SLCO1C1: variants seen among roughly 807,000 people sequenced by gnomAD.
SLCO1C1 encodes OAT-RP-5.
Under a neutral mutation model 76.4 loss-of-function variants are expected in SLCO1C1, and 70 were observed. That is an observed-to-expected ratio of 0.92 (90% CI 0.76 to 1.12). SLCO1C1 has a LOEUF of 1.12. SLCO1C1 is among the 50% of genes most tolerant of loss of function. The pLI is 0.00. For missense variants in SLCO1C1, 912 were observed against 823.8 expected (o/e 1.11, Z -1.31); for synonymous variants, 306 against 286.1 (o/e 1.07, Z -0.70).
chr12:20,737,513 C>A (rs577871275), intron 11 of SLCO1C1, among the ~76,000 whole-genome samples: 1 of 152,232 alleles, frequency 6.6e-6, no homozygotes, highest in South Asian at 2.1e-4. Flanking sequence ...ATTATGTAGT[C>A]TATTTCTCTC....
intron 1 of SLCO1C1, chr12:20,697,594 C>T (rs1946326305): frequency 6.6e-6 from 1 of 151,942 alleles, no homozygotes; most frequent in Non-Finnish European, 1.5e-5. Flanking sequence ...ATTTCTTAAA[C>T]TTTGTTTTTT....
chr12:20,720,645 G>C (rs942822768), intron 7 of SLCO1C1, among the ~76,000 whole-genome samples: 3 of 152,214 alleles, frequency 2.0e-5, no homozygotes, highest in Non-Finnish European at 4.4e-5. Context: ...GAAACAGCAA[G>C]ACAACTATAA....
At chr12:20,711,333 T>C (rs1947087377) in intron 4 of SLCO1C1, 53 bp from the exon 5 acceptor site, 1 of 1,581,638 alleles carries the variant, frequency 6.3e-7, no homozygotes, top group African/African-American at 1.4e-5. Flanking sequence ...CACATAATAT[T>C]CTTAGTATGA....
intron 9 of SLCO1C1, among the ~76,000 whole-genome samples, chr12:20,727,882 G>A (rs936552985): frequency 6.6e-6 from 1 of 152,114 alleles, no homozygotes; most frequent in African/African-American, 2.4e-5. Flanking sequence ...TTATTTTCTT[G>A]TTGTTTCGTT....
chr12:20,703,208 C>A (rs1168102818), intron 3 of SLCO1C1, among the ~76,000 whole-genome samples: 1 of 151,818 alleles, frequency 6.6e-6, no homozygotes, highest in East Asian at 1.9e-4. Flanking sequence ...TAATTTACTT[C>A]TTTTGCCTCT....
At chr12:20,722,153 G>A in intron 8 of SLCO1C1, 104 bp downstream of exon 8, 1 of 1,416,622 alleles carries the variant, frequency 7.1e-7, no homozygotes, top group South Asian at 1.5e-5. Context: ...AAAAAGTTGA[G>A]AAACCATATC....
intron 14 of SLCO1C1, 76 bp downstream of exon 14, chr12:20,750,868 G>T: frequency 6.2e-7 from 1 of 1,613,724 alleles, no homozygotes; most frequent in Non-Finnish European, 8.5e-7. Flanking sequence ...ACACTAACAA[G>T]TTTTCATGTC....
chr12:20,744,136 G>A (rs549372142), intron 13 of SLCO1C1, among the ~76,000 whole-genome samples: 2 of 151,986 alleles, frequency 1.3e-5, no homozygotes, highest in South Asian at 4.1e-4. Flanking sequence ...TGATAACATT[G>A]AAAAAGAAAC....
Position 20,750,650 on chromosome 12 carries a change from C to T in SLCO1C1, c.1799-25C>T, listed in dbSNP as rs201373606. 5 of 1,593,878 alleles carry T rather than the reference C, an allele frequency of 3.1e-6. No individual in the cohort carries two copies. In the East Asian group the frequency reaches 1.1e-4, roughly 36 times the overall value. On this transcript the variant is annotated intron_variant, in intron 13 of 14. Coordinates refer to ENST00000266509, the MANE Select transcript of SLCO1C1 (RefSeq NM_017435.5). ...CAAAAAGATGTGCATATGTTTTTAA[C>T]AGCAATTATTTGTTTTTCTCACAGC... is the stretch of plus-strand genomic sequence containing the variant.
chr12:20,705,889 T>C, intron 3 of SLCO1C1, 60 bp from the exon 4 acceptor site: 1 of 1,538,874 alleles, frequency 6.5e-7, no homozygotes, highest in Non-Finnish European at 8.9e-7. Context: ...TTCATTCAGT[T>C]ATGCTGTTGA....
intron 2 of SLCO1C1, among the ~76,000 whole-genome samples, chr12:20,701,048 G>T (rs1946499463): frequency 6.6e-6 from 1 of 151,970 alleles, no homozygotes; most frequent in Non-Finnish European, 1.5e-5. Flanking sequence ...GGAGCAGAGT[G>T]GAAGAAGACA....
chr12:20,722,669 C>T (rs1457941385), intron 8 of SLCO1C1, among the ~76,000 whole-genome samples: 1 of 152,210 alleles, frequency 6.6e-6, no homozygotes, highest in Non-Finnish European at 1.5e-5. Flanking sequence ...ATGGAGATAA[C>T]TCTCATATTT....
At chr12:20,742,579 G>T (rs1948868887) in intron 12 of SLCO1C1, among the ~76,000 whole-genome samples, 1 of 115,858 alleles carries the variant, frequency 8.6e-6, no homozygotes, top group South Asian at 3.7e-4. Context: ...TGTCACCCAG[G>T]CTGGAGGGCA....
intron 3 of SLCO1C1, among the ~76,000 whole-genome samples, chr12:20,702,781 A>G (rs1408713120): frequency 6.6e-6 from 1 of 151,864 alleles, no homozygotes; most frequent in Non-Finnish European, 1.5e-5. Context: ...TGGTGCAGAT[A>G]AAAGAATAGA....
Position 20,735,606 on chromosome 12 carries a change from T to G in SLCO1C1, c.1383-1501T>G, listed in dbSNP as rs1337402863. 2.6e-5 allele frequency among the ~76,000 whole-genome samples: 4 copies of G among 152,160 alleles called. No individual in the cohort carries two copies. In the East Asian group the frequency reaches 7.7e-4, roughly 29 times the overall value. On this transcript the variant is annotated intron_variant, in intron 10 of 14. Coordinates refer to ENST00000266509, the MANE Select transcript of SLCO1C1 (RefSeq NM_017435.5). ...TAGGATTAAACATTCCTATAGCACA[T>G]CTCAGAAGGCCTAGTTCAGTACCCT...
At chr12:20,696,956 A>G (rs1946296775) in intron 1 of SLCO1C1, 2 of 152,140 alleles carry the variant, frequency 1.3e-5, no homozygotes, top group Admixed American at 1.3e-4. Flanking sequence ...GCCCTAACAC[A>G]AAGTGAACTG....
rs746131461 is a variant in SLCO1C1 at position 20,732,953 on chromosome 12, G to A, written c.1231G>A (p.Gly411Arg). 4 of 1,613,874 alleles carry A rather than the reference G, an allele frequency of 2.5e-6. No individual in the cohort carries two copies. The highest frequency in any genetic ancestry group is 1.7e-5 in the Admixed American group (1 of 59,970). Residue 411 changes from glycine (G) to arginine (R), a missense_variant, in exon 10 of 15, where the codon GGG (glycine) becomes AGG (arginine). Gly to Arg is a moderately radical substitution (Grantham distance 125). Transcript: ENST00000266509. ...PAVALGIFSGGIVMKKFRISV... is the reference protein window; with the variant it reads ...PAVALGIFSGRIVMKKFRISV... ...AGTGGCCCTTGGAATATTCTCTGGG[G>A]GGATAGTTATGAAAAAATTCAGAAT...
intron 12 of SLCO1C1, among the ~76,000 whole-genome samples, chr12:20,740,787 TTATATATATA>T (rs71039980): frequency 3.5e-4 from 26 of 75,058 alleles, no homozygotes; most frequent in African/African-American, 6.5e-4. Context: ...TTTATTTTAT[TTATATATATA>T]TATATATATA....
chr12:20,704,073 T>C (rs7303066), intron 3 of SLCO1C1, among the ~76,000 whole-genome samples: 7,045 of 151,478 alleles, frequency 0.047, 285 homozygotes, highest in African/African-American at 0.1. Context: ...TCTGTACCTG[T>C]TTTTTTGTGA....
Sources: allele counts gnomAD v4.1 joint callset (sites outside exome capture counted in the v4.1 genomes callset), GRCh38; gene constraint gnomAD v4.1.1; transcripts MANE v1.5; gene names NCBI Gene and HGNC (gene_info 2026-07-23, HGNC 2026-07-21).